The following FSHR variants were observed in gnomAD, a reference collection of about 807,000 sequenced individuals.
FSHR encodes follicle stimulating hormone receptor.
FSHR carries 46 observed loss-of-function variants against 52.1 expected under a neutral mutation model. That is an observed-to-expected ratio of 0.88 (90% confidence interval 0.70 to 1.13). FSHR has a LOEUF of 1.13. Among genes scored for constraint, FSHR ranks in the 50% most tolerant of loss-of-function variants. The pLI is 0.00. For synonymous variants in FSHR, 399 were observed against 309.6 expected (o/e 1.29, Z -3.03); for missense variants, 964 against 834.6 (o/e 1.16, Z -1.91).
intron 1 of FSHR, among the ~76,000 whole-genome samples, chr2:49,073,458 G>C (rs935727321): frequency 1.3e-5 from 2 of 151,846 alleles, no homozygotes; most frequent in Non-Finnish European, 2.9e-5. Context: ...ATTTACAATA[G>C]CTACAAAAAA....
intron 1 of FSHR, among the ~76,000 whole-genome samples, chr2:49,129,443 G>T (rs1160063556): frequency 2.0e-5 from 3 of 152,198 alleles, no homozygotes; most frequent in African/African-American, 7.2e-5. Context: ...AATCATTTGT[G>T]TATTTCTGAT....
In FSHR at chr2:49,063,462, C is replaced by A. The variant is rs377080009; in HGVS notation, c.224+4757G>T. On this transcript the variant is annotated intron_variant, in intron 2 of 9. Transcript: ENST00000406846. The stretch of plus-strand genomic sequence containing the variant: ...TATATATATATATGTATGTGACACA[C>A]ACTCACAATGGAATACTATTTAGTG... Among the ~76,000 whole-genome samples the A allele has an allele frequency of 2.6e-5, 4 of 152,160 alleles. No homozygotes were observed. The East Asian group carries it at 7.7e-4, about 29-fold the overall frequency.
At chr2:49,123,924 A>G (rs1416145270) in intron 1 of FSHR, among the ~76,000 whole-genome samples, 1 of 152,042 alleles carries the variant, frequency 6.6e-6, no homozygotes, top group Non-Finnish European at 1.5e-5. Context: ...CTTAGCTATT[A>G]GGAGGGTTTT....
chr2:49,074,652 C>T (rs975863057), intron 1 of FSHR, among the ~76,000 whole-genome samples: 1 of 152,054 alleles, frequency 6.6e-6, no homozygotes, highest in Non-Finnish European at 1.5e-5. Flanking sequence ...ATCATATGAT[C>T]CAGCAATCCT....
At chr2:49,067,393 A>G (rs1282548787) in intron 2 of FSHR, among the ~76,000 whole-genome samples, 1 of 152,174 alleles carries the variant, frequency 6.6e-6, no homozygotes, top group Non-Finnish European at 1.5e-5. Context: ...ACTTCAAGAA[A>G]GAAACACATG....
At chr2:49,091,799 A>T (rs917427140) in intron 1 of FSHR, among the ~76,000 whole-genome samples, 2 of 152,188 alleles carry the variant, frequency 1.3e-5, no homozygotes, top group Non-Finnish European at 2.9e-5. Flanking sequence ...AAGTCTTTAA[A>T]TTGGTTAACA....
At chr2:49,054,572 C>A (rs765600010) in intron 2 of FSHR, among the ~76,000 whole-genome samples, 2 of 152,174 alleles carry the variant, frequency 1.3e-5, no homozygotes, top group African/African-American at 2.4e-5. Flanking sequence ...GTGGAGCAAC[C>A]ATGCACCCAT....
chr2:49,135,097 T>A (rs1009511688), intron 1 of FSHR, among the ~76,000 whole-genome samples: 3 of 152,152 alleles, frequency 2.0e-5, no homozygotes, highest in Admixed American at 6.6e-5. Context: ...ACTTGAGCAA[T>A]GTTATAAATC....
intron 2 of FSHR, among the ~76,000 whole-genome samples, chr2:49,058,858 G>C (rs1356897698): frequency 1.3e-5 from 2 of 152,130 alleles, no homozygotes; most frequent in Non-Finnish European, 2.9e-5. Flanking sequence ...AATCAGTATT[G>C]TTAAAATGAC....
At chr2:49,092,038 T>G (rs1045191412) in intron 1 of FSHR, among the ~76,000 whole-genome samples, 11 of 152,230 alleles carry the variant, frequency 7.2e-5, no homozygotes, top group Admixed American at 5.2e-4. Context: ...AGGTCTTATT[T>G]GATTTCTTTC....
intron 3 of FSHR, among the ~76,000 whole-genome samples, chr2:49,018,275 C>T (rs1473669403): frequency 6.6e-6 from 1 of 152,164 alleles, no homozygotes; most frequent in African/African-American, 2.4e-5. Flanking sequence ...GTGTCTTGAT[C>T]AACAGTCTGG....
At chr2:49,127,760 CT>C in intron 1 of FSHR, among the ~76,000 whole-genome samples, 2 of 27,620 alleles carry the variant, frequency 7.2e-5, no homozygotes, top group African/African-American at 3.3e-4. Context: ...CTTTCTTCTT[CT>C]TCTTCTTCTT....
chr2:49,068,649 C>G (rs888932174), intron 1 of FSHR, among the ~76,000 whole-genome samples: 2 of 152,068 alleles, frequency 1.3e-5, no homozygotes, highest in African/African-American at 2.4e-5. Context: ...CCCCCATTAC[C>G]TCTTCCTTTA....
chr2:49,013,087 A>ACCTCTCTCTC (rs1667332838), intron 4 of FSHR, among the ~76,000 whole-genome samples: 2 of 146,442 alleles, frequency 1.4e-5, no homozygotes, highest in South Asian at 2.2e-4. Context: ...CTTTCTCTCC[A>ACCTCTCTCTC]CCTCTCTCTC....
chr2:49,072,361 G>C (rs1669768515), intron 1 of FSHR, among the ~76,000 whole-genome samples: 1 of 152,062 alleles, frequency 6.6e-6, no homozygotes, highest in Non-Finnish European at 1.5e-5. Flanking sequence ...AAACTCATTG[G>C]ATATAGGTAA....
At chr2:49,011,701 A>G (rs1667280546) in intron 4 of FSHR, among the ~76,000 whole-genome samples, 1 of 152,098 alleles carries the variant, frequency 6.6e-6, no homozygotes. Flanking sequence ...TAAGCCGATT[A>G]TACAAGCTTA....
chr2:48,994,549 A>C (rs1211387427), intron 4 of FSHR, among the ~76,000 whole-genome samples: 1 of 152,010 alleles, frequency 6.6e-6, no homozygotes, highest in African/African-American at 2.4e-5. Flanking sequence ...ACTCTCTATA[A>C]CCCCAAGATA....
intron 2 of FSHR, among the ~76,000 whole-genome samples, chr2:49,062,096 G>T (rs1404312369): frequency 6.6e-6 from 1 of 151,828 alleles, no homozygotes; most frequent in Non-Finnish European, 1.5e-5. Flanking sequence ...TCATCCAACA[G>T]CTGCAGAATA....
At chr2:49,056,727 A>G (rs1429321039) in intron 2 of FSHR, among the ~76,000 whole-genome samples, 1 of 152,026 alleles carries the variant, frequency 6.6e-6, no homozygotes, top group African/African-American at 2.4e-5. Flanking sequence ...AGCAAATGAA[A>G]TACTTTTCAG....
Sources: allele counts gnomAD v4.1 joint callset (sites outside exome capture counted in the v4.1 genomes callset), GRCh38; gene constraint gnomAD v4.1.1; transcripts MANE v1.5; gene names NCBI Gene and HGNC (gene_info 2026-07-23, HGNC 2026-07-21).